SETBP1: variants seen among roughly 807,000 people sequenced by gnomAD.
SETBP1 encodes the protein SET binding protein 1, also known as SET-binding protein.
Under a neutral mutation model 101.0 loss-of-function variants are expected in SETBP1, and 9 were observed. The ratio of observed to expected loss-of-function variants is 0.09; its 90% CI spans 0.05 to 0.16. SETBP1 has a LOEUF of 0.16. Ranked by LOEUF, SETBP1 falls within the 10% of genes least tolerant of loss-of-function variation. SETBP1 has a pLI of 1.00. For missense variants in SETBP1, 1,858 were observed against 2,033.8 expected (o/e 0.91, Z 1.66); for synonymous variants, 818 against 788.5 (o/e 1.04, Z -0.63).
chr18:44,926,232 C>T (rs1288539525), intron 3 of SETBP1, among the ~76,000 whole-genome samples: 1 of 151,970 alleles, frequency 6.6e-6, no homozygotes, highest in Non-Finnish European at 1.5e-5. Context: ...TGTTCCTGGC[C>T]GAAGTGTCGA....
chr18:45,009,000 G>C (rs944622764), intron 4 of SETBP1, among the ~76,000 whole-genome samples: 3 of 152,138 alleles, frequency 2.0e-5, no homozygotes, highest in Non-Finnish European at 4.4e-5. Context: ...ACAGATGAAC[G>C]AACAGGAGAC....
At chr18:44,971,682 A>G (rs145298343) in intron 4 of SETBP1, among the ~76,000 whole-genome samples, 1 of 152,108 alleles carries the variant, frequency 6.6e-6, no homozygotes, top group African/African-American at 2.4e-5. Flanking sequence ...TTCTTTTGAG[A>G]AGTGTCTGTT....
At chr18:44,748,394 T>C (rs528943123) in intron 2 of SETBP1, among the ~76,000 whole-genome samples, 1 of 152,214 alleles carries the variant, frequency 6.6e-6, no homozygotes, top group African/African-American at 2.4e-5. Flanking sequence ...ACAAGAACAT[T>C]GGTTTACTTT....
intron 2 of SETBP1, among the ~76,000 whole-genome samples, chr18:44,820,674 T>C (rs956115554): frequency 6.6e-6 from 1 of 152,340 alleles, no homozygotes; most frequent in Admixed American, 6.5e-5. Context: ...CTGTGCTCAC[T>C]TCCTGGGAAT....
intron 4 of SETBP1, among the ~76,000 whole-genome samples, chr18:45,011,958 A>T (rs1462273271): frequency 1.3e-5 from 2 of 152,214 alleles, no homozygotes; most frequent in African/African-American, 4.8e-5. Context: ...AAGTTTCTTT[A>T]AAAAAAGAAA....
At chr18:44,781,044 G>T (rs893192432) in intron 2 of SETBP1, among the ~76,000 whole-genome samples, 3 of 152,158 alleles carry the variant, frequency 2.0e-5, no homozygotes, top group Admixed American at 6.5e-5. Flanking sequence ...AATATGTCAG[G>T]CCTGGGTCAA....
chr18:44,802,239 G>A (rs966509978), intron 2 of SETBP1, among the ~76,000 whole-genome samples: 1 of 152,110 alleles, frequency 6.6e-6, no homozygotes, highest in African/African-American at 2.4e-5. Flanking sequence ...TATTTTCTAT[G>A]ATAGTTTCTG....
intron 4 of SETBP1, among the ~76,000 whole-genome samples, chr18:45,024,808 G>T (rs28397132): frequency 0.042 from 6,435 of 152,192 alleles, 447 homozygotes; most frequent in African/African-American, 0.15. Flanking sequence ...TTAAACAGGG[G>T]CTTACAGAAT....
intron 1 of SETBP1, among the ~76,000 whole-genome samples, chr18:44,695,595 T>C (rs575073119): frequency 1.3e-5 from 2 of 152,254 alleles, no homozygotes; most frequent in South Asian, 4.1e-4. Flanking sequence ...ATGAAAGAAA[T>C]GCCTTGTGGT....
intron 2 of SETBP1, among the ~76,000 whole-genome samples, chr18:44,706,591 CAAAAAAAAA>C (rs1018470585): frequency 1.6e-3 from 27 of 16,968 alleles, no homozygotes; most frequent in African/African-American, 5.4e-3. Context: ...GACTCAATCT[CAAAAAAAAA>C]AAAAAAAAAA....
At chr18:45,059,638 T>C (rs1025055449) in intron 5 of SETBP1, among the ~76,000 whole-genome samples, 1 of 151,970 alleles carries the variant, frequency 6.6e-6, no homozygotes, top group Admixed American at 6.6e-5. Flanking sequence ...TGCTGCCCCA[T>C]AGGGTAGCCA....
intron 2 of SETBP1, among the ~76,000 whole-genome samples, chr18:44,861,857 T>C (rs1301305739): frequency 1.3e-5 from 2 of 152,252 alleles, no homozygotes; most frequent in African/African-American, 4.8e-5. Flanking sequence ...ACAAATTATA[T>C]GTCAAGTTTT....
intron 2 of SETBP1, among the ~76,000 whole-genome samples, chr18:44,780,706 G>A (rs976360035): frequency 1.3e-5 from 2 of 152,184 alleles, no homozygotes; most frequent in African/African-American, 4.8e-5. Flanking sequence ...AATAATAGTT[G>A]CCCTCATAGT....
At chr18:45,029,332 C>A (rs1434712385) in intron 4 of SETBP1, among the ~76,000 whole-genome samples, 2 of 151,794 alleles carry the variant, frequency 1.3e-5, no homozygotes, top group African/African-American at 2.4e-5. Context: ...AGATATGCGG[C>A]ATTATTTCTG....
intron 2 of SETBP1, among the ~76,000 whole-genome samples, chr18:44,718,084 T>C (rs1292260820): frequency 1.3e-5 from 2 of 152,214 alleles, no homozygotes; most frequent in Non-Finnish European, 2.9e-5. Flanking sequence ...AATGATCTGG[T>C]TTTTAGTAAA....
intron 4 of SETBP1, among the ~76,000 whole-genome samples, chr18:44,976,003 A>G (rs2071977337): frequency 6.6e-6 from 1 of 151,988 alleles, no homozygotes; most frequent in Non-Finnish European, 1.5e-5. Context: ...TTCTCAAAAT[A>G]CCTACTGCCA....
chr18:44,731,669 C>T lies in SETBP1; in HGVS notation c.486+29837C>T, dbSNP rs1381444. 8.1e-3 allele frequency among the ~76,000 whole-genome samples: 1,237 copies of T among 152,238 alleles called. 11 individuals are homozygous for T. Among genetic ancestry groups the T allele is most frequent in the Non-Finnish European group, 0.014 (932 of 68,012 alleles). On this transcript the variant is annotated intron_variant, in intron 2 of 5. Transcript: ENST00000649279. ...ACACACACACGCGCACGCACACACA[C>T]ACACATATCCTTATATGCTCCATAA...
chr18:44,763,159 C>G (rs1568130687), intron 2 of SETBP1, among the ~76,000 whole-genome samples: 1 of 152,146 alleles, frequency 6.6e-6, no homozygotes, highest in African/African-American at 2.4e-5. Context: ...GGGAAGCATG[C>G]CAGTCCATAA....
At chr18:44,772,614 C>T (rs1174334599) in intron 2 of SETBP1, among the ~76,000 whole-genome samples, 1 of 152,154 alleles carries the variant, frequency 6.6e-6, no homozygotes, top group Non-Finnish European at 1.5e-5. Flanking sequence ...TGTTCTTGGT[C>T]ATCCTCCCAA....
Sources: allele counts gnomAD v4.1 joint callset (sites outside exome capture counted in the v4.1 genomes callset), GRCh38; gene constraint gnomAD v4.1.1; transcripts MANE v1.5; gene names NCBI Gene and HGNC (gene_info 2026-07-23, HGNC 2026-07-21).